The following YBX1 variants were observed in gnomAD, a reference collection of about 807,000 sequenced individuals.
YBX1 encodes the protein Y-box binding protein 1, also known as Y-box-binding protein 1.
Under a neutral mutation model 41.4 loss-of-function variants are expected in YBX1, and 3 were observed. The observed-to-expected ratio is 0.07, with a 90% CI of 0.03 to 0.19. The LOEUF is 0.19. YBX1 is among the 10% of genes least tolerant of loss of function. YBX1 has a pLI of 1.00. For synonymous variants in YBX1, 133 were observed against 165.8 expected, an observed-to-expected ratio of 0.80 and a Z score of 1.52; for missense variants, 274 against 462.8, an observed-to-expected ratio of 0.59 and a Z score of 3.74.
In YBX1 at chr1:42,690,808, T is replaced by C. The variant is rs372210995; in HGVS notation, c.231-2682T>C. Among the ~76,000 whole-genome samples the C allele has an allele frequency of 2.0e-5, 3 of 152,368 alleles. No individual in the cohort carries two copies. The East Asian group carries it at 5.8e-4, about 29-fold the overall frequency. ...TAGCTTTTTCTTTCTGAATTATCTTTACTACTGTATAATTTTTATTTTCAG... is the reference window on the plus strand; with the variant it reads ...TAGCTTTTTCTTTCTGAATTATCTTCACTACTGTATAATTTTTATTTTCAG... On this transcript the variant is annotated intron_variant, in intron 2 of 7. Transcript: ENST00000321358.
rs952163120 is a variant in YBX1 at position 42,696,370 on chromosome 1, T to C, written c.354+82T>C. ...TCATCCATTAGGATGGTGGCTCTAA[T>C]GTGGATGGATGTGTTCAGGTGACCT... is the stretch of plus-strand genomic sequence containing the variant. On this transcript the variant is annotated intron_variant, in intron 4 of 7. Transcript: ENST00000321358. The surrounding 1 kb of genome is among the most constrained non-coding windows in gnomAD (Gnocchi z 5.7). 7.2e-7 allele frequency: 1 copy of C among 1,392,862 alleles called. No individual in the cohort carries two copies. The highest frequency in any genetic ancestry group is 1.0e-6 in the Non-Finnish European group (1 of 1,000,644). 86.3% of individuals were successfully genotyped at this position (1,392,862 alleles called of 1,614,324 possible).
At chr1:42,697,013 T>C in intron 5 of YBX1, 69 bp downstream of exon 5, 2 of 1,484,192 alleles carry the variant, frequency 1.3e-6, no homozygotes, top group South Asian at 2.8e-5. Context: ...GTTAATTATA[T>C]GGAAAGCAAC....
In YBX1 at chr1:42,702,623, GGCT is replaced by G. The variant is rs1650632376; in HGVS notation, c.*676_*678del. On this transcript the variant is annotated 3_prime_UTR_variant, in exon 8 of 8. Coordinates refer to ENST00000321358, the MANE Select transcript of YBX1 (RefSeq NM_004559.5). ...GTGTAGATTTTGGGTGGGTCCCTTTGGCTGTGAGGCATTGTTTAAAAGGGCATT... is the reference window on the plus strand; with the variant it reads ...GTGTAGATTTTGGGTGGGTCCCTTTGGTGAGGCATTGTTTAAAAGGGCATT... Among the ~76,000 whole-genome samples the G allele has an allele frequency of 1.5e-5, 2 of 132,486 alleles. No individual in the cohort carries two copies. Among genetic ancestry groups the G allele is most frequent in the Admixed American group, 1.5e-4 (2 of 13,570 alleles). The allele number at this position is 132,486 out of a possible 152,430, so 86.9% of individuals were successfully genotyped here. A position where few individuals can be genotyped will look rare whatever the true frequency, so the allele number is the denominator to read the frequency against.
chr1:42,696,151 C>A lies in YBX1; in HGVS notation c.265-48C>A. 6.8e-7 allele frequency: 1 copy of A among 1,471,480 alleles called. No individual in the cohort carries two copies. The highest frequency in any genetic ancestry group is 2.3e-5 in the East Asian group (1 of 43,146). 91.2% of individuals were successfully genotyped at this position (1,471,480 alleles called of 1,614,324 possible). On this transcript the variant is annotated intron_variant, in intron 3 of 7. Coordinates refer to ENST00000321358, the MANE Select transcript of YBX1 (RefSeq NM_004559.5). The surrounding 1 kb of genome is among the most constrained non-coding windows in gnomAD (Gnocchi z 5.7). ...CTCTGGTACATTTTAAATGAAAAAGCACATTATTCTCCCCTGTTAATCTAT... is the reference window on the plus strand; with the variant it reads ...CTCTGGTACATTTTAAATGAAAAAGAACATTATTCTCCCCTGTTAATCTAT...
intron 2 of YBX1, among the ~76,000 whole-genome samples, chr1:42,691,210 C>G (rs1164117489): frequency 2.0e-5 from 3 of 152,184 alleles, no homozygotes; most frequent in Non-Finnish European, 4.4e-5. Context: ...GCTTGAGGCC[C>G]TGGCTAAGTA....
At chr1:42,687,943 A>G (rs1382787982) in intron 2 of YBX1, among the ~76,000 whole-genome samples, 3 of 152,210 alleles carry the variant, frequency 2.0e-5, no homozygotes, top group African/African-American at 7.2e-5. Context: ...TAAGGGAGAG[A>G]TGTCGAAGGT....
Position 42,696,675 on chromosome 1 carries a change from G to A in YBX1, c.388G>A (p.Gly130Ser). The change falls in exon 5 of 8, where the codon GGT becomes AGT. Residue 130 changes from glycine to serine, a missense_variant. Transcript: ENST00000321358. The surrounding 1 kb of genome is among the most constrained non-coding windows in gnomAD (Gnocchi z 5.7). Reference protein sequence around the residue: ...AEAANVTGPGGVPVQGSKYAA... With the variant: ...AEAANVTGPGSVPVQGSKYAA... Reference sequence around the variant, plus strand: ...GGCAGCAAATGTTACAGGTCCTGGTGGTGTTCCAGTTCAAGGCAGTAAATA... The same window carrying A: ...GGCAGCAAATGTTACAGGTCCTGGTAGTGTTCCAGTTCAAGGCAGTAAATA... 3 of 1,591,160 alleles carry A rather than the reference G, an allele frequency of 1.9e-6. No homozygotes were observed.
intron 1 of YBX1, 86 bp from the exon 2 acceptor site, chr1:42,683,317 T>A: frequency 6.5e-7 from 1 of 1,542,284 alleles, no homozygotes; most frequent in East Asian, 2.3e-5. Flanking sequence ...GCGGCCGGCG[T>A]GCGAGGGACC....
At chr1:42,701,119 G>A in intron 7 of YBX1, 73 bp downstream of exon 7, 1 of 1,118,840 alleles carries the variant, frequency 8.9e-7, no homozygotes, top group Non-Finnish European at 1.3e-6. Context: ...TAATGCAAGA[G>A]TAGAAAAACC....
chr1:42,692,688 G>A (rs993518988), intron 2 of YBX1, among the ~76,000 whole-genome samples: 2 of 152,202 alleles, frequency 1.3e-5, no homozygotes, highest in Admixed American at 6.5e-5. Flanking sequence ...ACCTGACGGA[G>A]TAAAGAGGGT....
intron 2 of YBX1, 139 bp from the exon 3 acceptor site, chr1:42,693,351 A>G (rs191552674): frequency 1.1e-5 from 9 of 834,924 alleles, no homozygotes; most frequent in African/African-American, 5.1e-5. Flanking sequence ...AGCAGAGAGC[A>G]TGGTGGCTTG....
In YBX1 at chr1:42,696,073, T is replaced by C. The variant is rs1650452407; in HGVS notation, c.265-126T>C. ...CGCTTTCCTAAATTTATTGATGGTT[T>C]GGTCTTATTTAAAGCAAATCTTAAG... On this transcript the variant is annotated intron_variant, in intron 3 of 7. Transcript: ENST00000321358. The surrounding 1 kb of genome is among the most constrained non-coding windows in gnomAD (Gnocchi z 5.7). 1.4e-6 allele frequency: 1 copy of C among 719,962 alleles called. No individual in the cohort carries two copies. Among genetic ancestry groups the C allele is most frequent in the Non-Finnish European group, 2.1e-6 (1 of 471,928 alleles). 44.6% of individuals were successfully genotyped at this position (719,962 alleles called of 1,614,324 possible).
At chr1:42,701,536 T>TG (rs1365663231) in intron 7 of YBX1, among the ~76,000 whole-genome samples, 8 of 151,894 alleles carry the variant, frequency 5.3e-5, no homozygotes, top group Non-Finnish European at 1.0e-4. Context: ...TTGTTTTTTT[T>TG]TTTTGTTGGT....
At chr1:42,698,923 G>A (rs1650526400) in intron 6 of YBX1, among the ~76,000 whole-genome samples, 3 of 152,182 alleles carry the variant, frequency 2.0e-5, no homozygotes, top group African/African-American at 7.2e-5. Context: ...CCTAATGCAT[G>A]GAATGGTGTG....
chr1:42,687,619 G>A lies in YBX1; in HGVS notation c.230+4153G>A, dbSNP rs192446319. ...TTTTTTTTTCTTTTTTAAAGGTGGC[G>A]GTGTAAAGTACTTACTGTGTGGTTG... On this transcript the variant is annotated intron_variant, in intron 2 of 7. Transcript: ENST00000321358. Among the ~76,000 whole-genome samples the A allele has an allele frequency of 7.2e-5, 11 of 152,030 alleles. No homozygotes were observed. In the East Asian group the frequency reaches 1.7e-3, roughly 24 times the overall value.
intron 6 of YBX1, among the ~76,000 whole-genome samples, chr1:42,699,898 G>A (rs1650552148): frequency 6.6e-6 from 1 of 152,162 alleles, no homozygotes; most frequent in African/African-American, 2.4e-5. Context: ...GAAAACAGCT[G>A]GACTGGGAGG....
intron 6 of YBX1, among the ~76,000 whole-genome samples, chr1:42,698,496 T>G (rs989645966): frequency 3.3e-5 from 5 of 152,218 alleles, no homozygotes; most frequent in African/African-American, 1.2e-4. Context: ...AGTCCATCTG[T>G]TAAGTCCATG....
At chr1:42,695,076 A>G (rs1213705341) in intron 3 of YBX1, among the ~76,000 whole-genome samples, 1 of 152,246 alleles carries the variant, frequency 6.6e-6, no homozygotes, top group African/African-American at 2.4e-5. Context: ...GATGAGATCA[A>G]TTATTTGACT....
intron 2 of YBX1, among the ~76,000 whole-genome samples, chr1:42,683,754 T>C (rs1650121731): frequency 6.6e-6 from 1 of 152,260 alleles, no homozygotes; most frequent in African/African-American, 2.4e-5. Flanking sequence ...GAGCCATTCC[T>C]TAACAGGGTA....
Sources: allele counts gnomAD v4.1 joint callset (sites outside exome capture counted in the v4.1 genomes callset), GRCh38; gene constraint gnomAD v4.1.1; non-coding constraint Gnocchi (gnomAD v3.1); transcripts MANE v1.5; gene names NCBI Gene and HGNC (gene_info 2026-07-23, HGNC 2026-07-21).